ZMYND12: variants seen among roughly 807,000 people sequenced by gnomAD.
ZMYND12 encodes zinc finger MYND-type containing 12.
A neutral mutation model predicts 41.7 loss-of-function variants in ZMYND12; 32 were observed. The ratio of observed to expected loss-of-function variants is 0.77; its 90% CI spans 0.58 to 1.03. The LOEUF is 1.03. Among genes scored for constraint, ZMYND12 ranks in the 50% least tolerant of loss-of-function variants. The pLI, the probability that ZMYND12 is intolerant of heterozygous loss-of-function variation, is 0.00. For synonymous variants in ZMYND12, 148 were observed against 164.8 expected (o/e 0.90, Z 0.78); for missense variants, 424 against 438.5 (o/e 0.97, Z 0.30).
In ZMYND12 at chr1:42,455,894, T is replaced by C. The variant is rs1557773800; in HGVS notation, c.104A>G (p.Tyr35Cys). The change falls in exon 1 of 8, where the codon TAT becomes TGT. Residue 35 changes from tyrosine (Y) to cysteine (C), a missense_variant. By Grantham distance (194) the Tyr-to-Cys change is radical. Coordinates refer to ENST00000372565, the MANE Select transcript of ZMYND12 (RefSeq NM_032257.5). ...ERVCAACTVT[Y>C]YCGVVHQKAD... is the part of the protein sequence containing the mutation. ...GCCACGTTTCAGGGCCTACCAGTAA[T>C]AAGTGACTGTGCAGGCCGCGCACAC... The C allele has an allele frequency of 3.1e-6, 5 of 1,611,196 alleles. No individual in the cohort carries two copies. Among genetic ancestry groups the C allele is most frequent in the Non-Finnish European group, 4.2e-6 (5 of 1,178,140 alleles).
At chr1:42,437,516 AT>A (rs149327912) in intron 4 of ZMYND12, among the ~76,000 whole-genome samples, 137 of 135,924 alleles carry the variant, frequency 1.0e-3, no homozygotes, top group Non-Finnish European at 8.2e-4. Context: ...GCTTGTGCTA[AT>A]TTTTTTTTTT....
At chr1:42,454,975 A>G (rs1421147873) in intron 1 of ZMYND12, among the ~76,000 whole-genome samples, 4 of 152,178 alleles carry the variant, frequency 2.6e-5, no homozygotes, top group Admixed American at 6.5e-5. Flanking sequence ...GGTAGGATTA[A>G]CCTGATACTT....
intron 4 of ZMYND12, among the ~76,000 whole-genome samples, chr1:42,437,315 T>G (rs1642917924): frequency 1.3e-5 from 2 of 152,044 alleles, no homozygotes; most frequent in Non-Finnish European, 2.9e-5. Flanking sequence ...AGGGATCTCT[T>G]TGGGGTAATG....
intron 7 of ZMYND12, among the ~76,000 whole-genome samples, chr1:42,431,256 C>G (rs562164210): frequency 2.6e-5 from 4 of 152,102 alleles, no homozygotes; most frequent in Non-Finnish European, 1.5e-5. Context: ...AAGAGGCTCC[C>G]CTTTCTTCCT....
intron 3 of ZMYND12, among the ~76,000 whole-genome samples, chr1:42,446,308 G>A (rs1186994529): frequency 6.6e-6 from 1 of 152,198 alleles, no homozygotes; most frequent in Non-Finnish European, 1.5e-5. Flanking sequence ...CTATGGTGCT[G>A]TATTAGATCT....
At chr1:42,432,534 G>C (rs922904429) in intron 7 of ZMYND12, among the ~76,000 whole-genome samples, 1 of 152,040 alleles carries the variant, frequency 6.6e-6, no homozygotes, top group African/African-American at 2.4e-5. Context: ...ATAAATGTTT[G>C]AATGAATGAG....
rs1432000183 is a variant in ZMYND12 at position 42,436,428 on chromosome 1, T to C, written c.710A>G (p.Tyr237Cys). ...CCACATTCCCCAGCTCACCTTGGTG[T>C]ACAATGTGTCTGCCAGGTCCAACTT... ...LKKLDLADTL[Y>C]TKVSEIWHAY... Residue 237 changes from tyrosine to cysteine, a missense_variant, in exon 5 of 8, where the codon TAC becomes TGC. Coordinates refer to ENST00000372565, the MANE Select transcript of ZMYND12 (RefSeq NM_032257.5). 1 of 1,613,194 alleles carries C rather than the reference T, an allele frequency of 6.2e-7. No individual in the cohort carries two copies. Among genetic ancestry groups the C allele is most frequent in the Non-Finnish European group, 8.5e-7 (1 of 1,179,372 alleles).
chr1:42,453,903 C>T (rs1384590697), intron 1 of ZMYND12, among the ~76,000 whole-genome samples: 1 of 152,136 alleles, frequency 6.6e-6, no homozygotes, highest in African/African-American at 2.4e-5. Context: ...TGTGTGGCCA[C>T]TGGGTCTAGT....
At chr1:42,451,985 G>T (rs1340628347) in intron 1 of ZMYND12, among the ~76,000 whole-genome samples, 2 of 152,144 alleles carry the variant, frequency 1.3e-5, no homozygotes, top group East Asian at 1.9e-4. Flanking sequence ...AGTAGGAATG[G>T]ATAAATGCTT....
intron 1 of ZMYND12, among the ~76,000 whole-genome samples, chr1:42,454,704 C>CTTT (rs35101875): frequency 2.8e-5 from 4 of 143,236 alleles, no homozygotes; most frequent in South Asian, 2.2e-4. Flanking sequence ...GATGTTCCAA[C>CTTT]TTTTTTTTTT....
At chr1:42,436,793 C>A in intron 4 of ZMYND12, among the ~76,000 whole-genome samples, 1 of 150,178 alleles carries the variant, frequency 6.7e-6, no homozygotes, top group African/African-American at 2.5e-5. Flanking sequence ...TCTAGGATGG[C>A]TAGAATCAAA....
Position 42,435,314 on chromosome 1 carries a change from C to A in ZMYND12, c.789G>T (p.Met263Ile). 6.2e-7 allele frequency: 1 copy of A among 1,614,036 alleles called. No individual in the cohort carries two copies. The highest frequency in any genetic ancestry group is 8.5e-7 in the Non-Finnish European group (1 of 1,179,960). ...QVLSQAHIQQ[M>I]DLLGKLFEND... is the part of the protein sequence containing the mutation. The stretch of plus-strand genomic sequence containing the variant: ...TCTCAAATAGTTTGCCCAGTAAATC[C>A]ATTTGTTGGATGTGAGCCTGTGAGA... Residue 263 changes from methionine (M) to isoleucine (I), a missense_variant, in exon 6 of 8, where the codon ATG (methionine) becomes ATT (isoleucine). Transcript: ENST00000372565.
intron 4 of ZMYND12, 136 bp from the exon 5 acceptor site, chr1:42,436,679 A>G: frequency 2.0e-6 from 2 of 1,024,068 alleles, no homozygotes; most frequent in South Asian, 3.4e-5. Context: ...ATCTGAATTG[A>G]CATTTCTCCA....
chr1:42,452,483 A>T (rs752658644), intron 1 of ZMYND12, among the ~76,000 whole-genome samples: 10 of 152,162 alleles, frequency 6.6e-5, no homozygotes, highest in Non-Finnish European at 1.2e-4. Context: ...AGGGCGGATC[A>T]CAAGGTCAGG....
chr1:42,439,293 G>A (rs1439347765), intron 4 of ZMYND12, among the ~76,000 whole-genome samples: 5 of 144,276 alleles, frequency 3.5e-5, no homozygotes, highest in Non-Finnish European at 6.0e-5. Context: ...TTGAGACGAA[G>A]TCTTGCTCTG....
chr1:42,454,294 A>T (rs1643118915), intron 1 of ZMYND12, among the ~76,000 whole-genome samples: 1 of 152,238 alleles, frequency 6.6e-6, no homozygotes, highest in Admixed American at 6.5e-5. Flanking sequence ...AAAGGCAAGG[A>T]AGCCACCAAA....
intron 2 of ZMYND12, among the ~76,000 whole-genome samples, 171 bp from the exon 3 acceptor site, chr1:42,448,809 A>G (rs1213902394): frequency 6.6e-6 from 1 of 152,210 alleles, no homozygotes; most frequent in East Asian, 1.9e-4. Flanking sequence ...TAAGAAAGCA[A>G]ACTCTGGACT....
intron 4 of ZMYND12, among the ~76,000 whole-genome samples, chr1:42,437,435 A>G (rs1642919058): frequency 1.9e-5 from 2 of 107,562 alleles, no homozygotes; most frequent in African/African-American, 7.0e-5. Context: ...TATATCAATA[A>G]AGCTCTGTGT....
At chr1:42,436,340 GT>G in intron 5 of ZMYND12, 80 bp downstream of exon 5, 7 of 1,573,790 alleles carry the variant, frequency 4.4e-6, no homozygotes, top group Non-Finnish European at 4.3e-6. Flanking sequence ...TGAATGGTAT[GT>G]TTTTCATGAA....
Sources: gnomAD v4.1 joint callset for allele counts (sites outside exome capture counted in the v4.1 genomes callset) on GRCh38, gnomAD v4.1.1 for gene constraint, MANE v1.5 for transcripts, NCBI Gene and HGNC (gene_info 2026-07-23, HGNC 2026-07-21) for gene names.